The following TRIM62 variants were observed in gnomAD, a reference collection of about 807,000 sequenced individuals.
The protein encoded by TRIM62 is E3 ubiquitin-protein ligase TRIM62.
In TRIM62, 39 loss-of-function variants were observed where a neutral mutation model predicts 44.2. The ratio of observed to expected loss-of-function variants is 0.88; its 90% confidence interval spans 0.68 to 1.15. The LOEUF (loss-of-function observed/expected upper bound fraction) is 1.15, where lower values mean the gene tolerates loss of function less well. Among genes scored for constraint, TRIM62 ranks in the 50% most tolerant of loss-of-function variants. The pLI is 0.00. For synonymous variants in TRIM62, 278 were observed against 292.3 expected (o/e 0.95, Z 0.50); for missense variants, 544 against 665.5 (o/e 0.82, Z 2.01).
chr1:33,156,630 C>T (rs955920994), intron 4 of TRIM62, among the ~76,000 whole-genome samples: 5 of 152,144 alleles, frequency 3.3e-5, no homozygotes, highest in South Asian at 2.1e-4. Flanking sequence ...CTTTTCTATC[C>T]GCCCCCACTT....
intron 1 of TRIM62, among the ~76,000 whole-genome samples, chr1:33,176,925 A>G (rs1645424107): frequency 1.3e-5 from 2 of 152,158 alleles, no homozygotes. Context: ...CTCGATGAAT[A>G]TTGGCTGAGA....
In TRIM62 at chr1:33,181,326, G is replaced by T. The variant is rs1164485023; in HGVS notation, c.107C>A (p.Thr36Lys). ...CEHYFCRRCI[T>K]EHWVRQEAQG... ...CGCCTCCTGCCGCACCCAGTGCTCC[G>T]TGATGCAGCGGCGGCAGAAGTAATG... Residue 36 changes from threonine (T) to lysine (K), a missense_variant, in exon 1 of 5, where the codon ACG (threonine) becomes AAG (lysine). Physicochemically the swap from Thr to Lys is moderately conservative, Grantham distance 78 (BLOSUM62 -1). Coordinates refer to ENST00000291416, the MANE Select transcript of TRIM62 (RefSeq NM_018207.3). This position sits in a 1 kb window ranked among gnomAD's most constrained non-coding sequence, Gnocchi z 6.5. The T allele has an allele frequency of 1.9e-6, 3 of 1,574,800 alleles. No individual in the cohort carries two copies. Among genetic ancestry groups the T allele is most frequent in the Non-Finnish European group, 8.6e-7 (1 of 1,164,526 alleles).
rs1423154942 is a variant in TRIM62 at position 33,147,857 on chromosome 1, A to G, written c.878-130T>C. 9.7e-7 allele frequency: 1 copy of G among 1,030,194 alleles called. No individual in the cohort carries two copies. The highest frequency in any genetic ancestry group is 1.6e-5 in the African/African-American group (1 of 62,152). 63.8% of individuals were successfully genotyped at this position (1,030,194 alleles called of 1,614,324 possible). On this transcript the variant is annotated intron_variant, in intron 4 of 4. Transcript: ENST00000291416. This position sits in a 1 kb window ranked among gnomAD's most constrained non-coding sequence, Gnocchi z 8.1. The stretch of plus-strand genomic sequence containing the variant: ...TCTGACCTGCTGTGTGACCTTGAAT[A>G]CAAGTCTGCCCTCTCTGGGCCTCAT...
chr1:33,169,776 G>A (rs1645358507), intron 1 of TRIM62, among the ~76,000 whole-genome samples: 2 of 152,324 alleles, frequency 1.3e-5, no homozygotes, highest in South Asian at 4.1e-4. Context: ...TCAAGTGCTT[G>A]CCAGCCACCT....
Position 33,161,113 on chromosome 1 carries a change from T to C in TRIM62, c.505-1169A>G, listed in dbSNP as rs1158904906. On this transcript the variant is annotated intron_variant, in intron 2 of 4. Transcript: ENST00000291416. The surrounding 1 kb of genome is among the most constrained non-coding windows in gnomAD (Gnocchi z 4.3). ...GAGTAACAAAAACTGCATTGTAGGA[T>C]TGTGGTGAAGATGAAATGAGGGGGT... Among the ~76,000 whole-genome samples, 1 of 152,152 alleles carries C rather than the reference T, an allele frequency of 6.6e-6. No individual in the cohort carries two copies. Among genetic ancestry groups the C allele is most frequent in the Non-Finnish European group, 1.5e-5 (1 of 68,018 alleles).
In TRIM62 at chr1:33,147,032, T is replaced by A. The variant is rs1645028657; in HGVS notation, c.*145A>T. On this transcript the variant is annotated 3_prime_UTR_variant, in exon 5 of 5. Transcript: ENST00000291416. This position sits in a 1 kb window ranked among gnomAD's most constrained non-coding sequence, Gnocchi z 8.1. ...AGGAAGTAGGGAATGCAACCTCCATTTTACAGACTGGAGGCTGGAGGGTAA... is the reference window on the plus strand; with the variant it reads ...AGGAAGTAGGGAATGCAACCTCCATATTACAGACTGGAGGCTGGAGGGTAA... The A allele has an allele frequency of 5.0e-6, 4 of 806,116 alleles. No homozygotes were observed. The highest frequency in any genetic ancestry group is 7.9e-6 in the Non-Finnish European group (4 of 508,640). 49.9% of individuals were successfully genotyped at this position (806,116 alleles called of 1,614,324 possible).
intron 1 of TRIM62, among the ~76,000 whole-genome samples, chr1:33,170,136 C>T (rs1645361588): frequency 6.6e-6 from 1 of 152,134 alleles, no homozygotes; most frequent in African/African-American, 2.4e-5. Context: ...TCAAAACCAG[C>T]CTGGCCAACA....
chr1:33,181,199 G>T lies in TRIM62; in HGVS notation c.234C>A (p.Phe78Leu), dbSNP rs368974828. ...LANIVERYSS[F>L]PLDAILNARR... ...GCGCGTTGAGGATGGCGTCCAGCGG[G>T]AAGGAGCTGTAGCGCTCCACGATGT... Residue 78 changes from phenylalanine (F) to leucine (L), a missense_variant, in exon 1 of 5, where the codon TTC (phenylalanine) becomes TTA (leucine). By Grantham distance (22) the Phe-to-Leu change is conservative. Coordinates refer to ENST00000291416, the MANE Select transcript of TRIM62 (RefSeq NM_018207.3). The surrounding 1 kb of genome is among the most constrained non-coding windows in gnomAD (Gnocchi z 6.5). 3 of 1,588,732 alleles carry T rather than the reference G, an allele frequency of 1.9e-6. No homozygotes were observed. Among genetic ancestry groups the T allele is most frequent in the East Asian group, 4.6e-5 (2 of 43,956 alleles).
chr1:33,181,363 G>T lies in TRIM62; in HGVS notation c.70C>A (p.Leu24Met). ...CLSIYQDPVS[L>M]GCEHYFCRRC... is the part of the protein sequence containing the mutation. ...CGGCAGAAGTAATGCTCGCAGCCCA[G>T]GCTCACCGGGTCCTGGTAGATGCTC... The change falls in exon 1 of 5, where the codon CTG becomes ATG. Residue 24 changes from leucine (L) to methionine (M), a missense_variant. By Grantham distance (15) the Leu-to-Met change is conservative (BLOSUM62 2). Transcript: ENST00000291416. The surrounding 1 kb of genome is among the most constrained non-coding windows in gnomAD (Gnocchi z 6.5). 1.3e-6 allele frequency: 2 copies of T among 1,597,118 alleles called. No homozygotes were observed. Among genetic ancestry groups the T allele is most frequent in the Non-Finnish European group, 1.7e-6 (2 of 1,174,920 alleles).
chr1:33,179,446 AAT>A (rs1161561749), intron 1 of TRIM62, among the ~76,000 whole-genome samples: 3 of 152,308 alleles, frequency 2.0e-5, no homozygotes, highest in African/African-American at 7.2e-5. Context: ...GAGCCCCTAC[AAT>A]ACAGGGGAAA....
At chr1:33,155,092 C>G (rs1266658403) in intron 4 of TRIM62, among the ~76,000 whole-genome samples, 2 of 138,604 alleles carry the variant, frequency 1.4e-5, no homozygotes, top group African/African-American at 5.2e-5. Context: ...GACTCCATCT[C>G]AAAAGGTCTC....
In TRIM62 at chr1:33,147,906, G is replaced by C. The variant is rs1026542394; in HGVS notation, c.878-179C>G. On this transcript the variant is annotated intron_variant, in intron 4 of 4. Transcript: ENST00000291416. This position sits in a 1 kb window ranked among gnomAD's most constrained non-coding sequence, Gnocchi z 8.1. The stretch of plus-strand genomic sequence containing the variant: ...ATCTTCCTCCTCTGTAGAATGGAAG[G>C]GTGGTGGTTAAGGTCCTTCCAGATA... Among the ~76,000 whole-genome samples, 1 of 152,178 alleles carries C rather than the reference G, an allele frequency of 6.6e-6. No homozygotes were observed. The highest frequency in any genetic ancestry group is 2.4e-5 in the African/African-American group (1 of 41,432).
At chr1:33,173,409 G>A (rs760264906) in intron 1 of TRIM62, among the ~76,000 whole-genome samples, 1 of 152,186 alleles carries the variant, frequency 6.6e-6, no homozygotes, top group Non-Finnish European at 1.5e-5. Context: ...GTGTGTGTGA[G>A]CTTGTGTGCG....
At position 33,167,735 on chromosome 1, in the gene TRIM62, C is replaced by T. The variant is rs370155737; in HGVS notation, c.409-2169G>A. Among the ~76,000 whole-genome samples the T allele has an allele frequency of 6.6e-6, 1 of 152,202 alleles. No homozygotes were observed. Among genetic ancestry groups the T allele is most frequent in the East Asian group, 1.9e-4 (1 of 5,196 alleles). On this transcript the variant is annotated intron_variant, in intron 1 of 4. Transcript: ENST00000291416. This position sits in a 1 kb window ranked among gnomAD's most constrained non-coding sequence, Gnocchi z 4.2. ...CCTCCCTCCCACTCATTCAGCTTGT[C>T]AGACCAGGGAGGGCCTTGGTAAATG...
Position 33,181,584 on chromosome 1 carries a change from C to A in TRIM62, c.-152G>T. The A allele has an allele frequency of 7.4e-7, 1 of 1,348,096 alleles. No homozygotes were observed. The highest frequency in any genetic ancestry group is 9.7e-7 in the Non-Finnish European group (1 of 1,035,120). 83.5% of individuals were successfully genotyped at this position (1,348,096 alleles called of 1,614,324 possible). A position where few individuals can be genotyped will look rare whatever the true frequency, so the allele number is the denominator to read the frequency against. On this transcript the variant is annotated 5_prime_UTR_variant, in exon 1 of 5. Transcript: ENST00000291416. This position sits in a 1 kb window ranked among gnomAD's most constrained non-coding sequence, Gnocchi z 6.5. ...ACCGGAGAAGGGAGGGGGTGCTGTC[C>A]GGAAGGAGGGTAACGCGAGGAAGGG...
At chr1:33,179,879 T>TA (rs1326622289) in intron 1 of TRIM62, among the ~76,000 whole-genome samples, 3 of 152,072 alleles carry the variant, frequency 2.0e-5, no homozygotes, top group Admixed American at 6.6e-5. Flanking sequence ...TCTAAGCTTT[T>TA]AATATGCAAA....
Position 33,169,528 on chromosome 1 carries a change from C to T in TRIM62, c.409-3962G>A, listed in dbSNP as rs1310530252. Among the ~76,000 whole-genome samples the T allele has an allele frequency of 2.0e-5, 3 of 152,122 alleles. 1 individual carries two copies. Among genetic ancestry groups the T allele is most frequent in the African/African-American group, 7.2e-5 (3 of 41,410 alleles). Reference sequence around the variant, plus strand: ...TAAAGGGCAGATGTATAAATGCTTCCCCCTCTCACTCTCCCCATTGTGCCA... The same window carrying T: ...TAAAGGGCAGATGTATAAATGCTTCTCCCTCTCACTCTCCCCATTGTGCCA... On this transcript the variant is annotated intron_variant, in intron 1 of 4. Transcript: ENST00000291416.
rs989230365 is a variant in TRIM62, at chr1:33,177,685, G to C, written c.408+3340C>G. ...ACAACTTGCGGGGTGGGTGGAGTTTGCTACTGGCATCTAATGGGTAGAGGC... is the reference window on the plus strand; with the variant it reads ...ACAACTTGCGGGGTGGGTGGAGTTTCCTACTGGCATCTAATGGGTAGAGGC... On this transcript the variant is annotated intron_variant, in intron 1 of 4. Coordinates refer to ENST00000291416, the MANE Select transcript of TRIM62 (RefSeq NM_018207.3). The surrounding 1 kb of genome is among the most constrained non-coding windows in gnomAD (Gnocchi z 4.1). Among the ~76,000 whole-genome samples the C allele has an allele frequency of 1.1e-4, 16 of 152,142 alleles. No homozygotes were observed. The highest frequency in any genetic ancestry group is 2.1e-4 in the Non-Finnish European group (14 of 68,030).
chr1:33,181,075 G>A lies in TRIM62; in HGVS notation c.358C>T (p.His120Tyr), dbSNP rs900689538. Residue 120 changes from histidine (H) to tyrosine (Y), a missense_variant, in exon 1 of 5, where the codon CAC becomes TAC. His to Tyr is a moderately conservative substitution (Grantham distance 83, BLOSUM62 2). Coordinates refer to ENST00000291416, the MANE Select transcript of TRIM62 (RefSeq NM_018207.3). This position sits in a 1 kb window ranked among gnomAD's most constrained non-coding sequence, Gnocchi z 6.5. ...LCFFCDEPAL[H>Y]EQHQVTGIDD... ...ATGCCGGTGACCTGATGCTGCTCGT[G>A]CAGTGCAGGCTCGTCGCAGAAGAAG... The A allele has an allele frequency of 3.4e-5, 54 of 1,600,310 alleles. No homozygotes were observed. Among genetic ancestry groups the A allele is most frequent in the Non-Finnish European group, 4.1e-5 (48 of 1,179,064 alleles).
Sources: allele counts gnomAD v4.1 joint callset (sites outside exome capture counted in the v4.1 genomes callset), GRCh38; gene constraint gnomAD v4.1.1; non-coding constraint Gnocchi (gnomAD v3.1); transcripts MANE v1.5; gene names NCBI Gene and HGNC (gene_info 2026-07-23, HGNC 2026-07-21).